CAGE1: variants seen among roughly 807,000 people sequenced by gnomAD.
CAGE1 encodes cancer antigen 1.
Under a neutral mutation model 94.9 loss-of-function variants are expected in CAGE1, and 66 were observed. The observed-to-expected ratio is 0.70, with a 90% CI of 0.57 to 0.85. CAGE1 has a LOEUF of 0.85. CAGE1 is among the 40% of genes least tolerant of loss of function. The probability of loss-of-function intolerance (pLI) is 0.00; values close to 1 mark genes in which losing one functional copy is unlikely to be tolerated. For missense variants in CAGE1, 865 were observed against 950.4 expected (o/e 0.91, Z 1.18); for synonymous variants, 319 against 321.0 (o/e 0.99, Z 0.07).
At chr6:7,346,444 G>A (rs564359763) in intron 11 of CAGE1, among the ~76,000 whole-genome samples, 1 of 152,242 alleles carries the variant, frequency 6.6e-6, no homozygotes, top group Non-Finnish European at 1.5e-5. Context: ...AGCTACTTGG[G>A]AGGCTGAGGT....
At chr6:7,374,607 T>C (rs927406385) in intron 4 of CAGE1, among the ~76,000 whole-genome samples, 2 of 152,158 alleles carry the variant, frequency 1.3e-5, no homozygotes, top group African/African-American at 2.4e-5. Flanking sequence ...CTCTTCTCTT[T>C]TGAATATTTT....
chr6:7,387,863 C>CAAAAAAAAA (rs70978962), intron 1 of CAGE1, among the ~76,000 whole-genome samples: 9 of 108,816 alleles, frequency 8.3e-5, no homozygotes, highest in African/African-American at 1.3e-4. Flanking sequence ...ACTAAAAATA[C>CAAAAAAAAA]AAAAAAAAAA....
chr6:7,340,854 C>A, intron 11 of CAGE1: 1 of 414,404 alleles, frequency 2.4e-6, no homozygotes, highest in South Asian at 2.1e-5. Context: ...TGCTTCTGTT[C>A]CTGCAGCACA....
intron 12 of CAGE1, among the ~76,000 whole-genome samples, chr6:7,333,025 A>G (rs6940929): frequency 3.2e-3 from 480 of 151,980 alleles, no homozygotes; most frequent in African/African-American, 9.9e-3. Flanking sequence ...ATCTCAGCTC[A>G]CTGCAACCTC....
rs117273726 is a variant in CAGE1 at position 7,345,281 on chromosome 6, C to T, written c.2369+9760G>A. 6.0e-4 allele frequency among the ~76,000 whole-genome samples: 92 copies of T among 152,318 alleles called. No homozygotes were observed. In the East Asian group the frequency reaches 0.016, roughly 27 times the overall value. On this transcript the variant is annotated intron_variant, in intron 11 of 13. Coordinates refer to ENST00000502583, the MANE Select transcript of CAGE1 (RefSeq NM_001170692.2). ...ACACGCTACCTTAAGAGTTGCAGCA[C>T]TGACTGTTAAAGGTTTGCAGTTTTA...
At chr6:7,332,953 T>C (rs1758808177) in intron 12 of CAGE1, among the ~76,000 whole-genome samples, 1 of 152,124 alleles carries the variant, frequency 6.6e-6, no homozygotes, top group African/African-American at 2.4e-5. Flanking sequence ...TCTTTTTTTT[T>C]TCTTTTCTTT....
intron 12 of CAGE1, among the ~76,000 whole-genome samples, chr6:7,330,726 T>C (rs931318366): frequency 2.6e-5 from 4 of 152,204 alleles, no homozygotes; most frequent in Admixed American, 1.3e-4. Context: ...GGCTGAAAGC[T>C]GATGTAGGTC....
rs191555542 is a variant in CAGE1, at chr6:7,349,295, G to A, written c.2369+5746C>T. The stretch of plus-strand genomic sequence containing the variant: ...AAAACAATTATCAGCTAGGAATTTT[G>A]TATGTAGCCAAACTAAGCATTATAT... On this transcript the variant is annotated intron_variant, in intron 11 of 13. Coordinates refer to ENST00000502583, the MANE Select transcript of CAGE1 (RefSeq NM_001170692.2). 4.6e-5 allele frequency among the ~76,000 whole-genome samples: 7 copies of A among 152,280 alleles called. 1 individual carries two copies. Among genetic ancestry groups the A allele is most frequent in the African/African-American group, 1.7e-4 (7 of 41,556 alleles).
chr6:7,370,450 C>T (rs1760500388), intron 5 of CAGE1, among the ~76,000 whole-genome samples: 2 of 152,050 alleles, frequency 1.3e-5, no homozygotes. Context: ...CATGCCACCA[C>T]ACTCGGCTAA....
chr6:7,351,908 A>T (rs754923073), intron 11 of CAGE1, among the ~76,000 whole-genome samples: 1 of 152,200 alleles, frequency 6.6e-6, no homozygotes, highest in Non-Finnish European at 1.5e-5. Context: ...ATCTATGACA[A>T]ACCCACAGCC....
At chr6:7,383,461 C>G (rs1189458456) in intron 3 of CAGE1, among the ~76,000 whole-genome samples, 1 of 152,170 alleles carries the variant, frequency 6.6e-6, no homozygotes, top group Non-Finnish European at 1.5e-5. Flanking sequence ...AATGAACACC[C>G]CCACTGGTTT....
intron 11 of CAGE1, among the ~76,000 whole-genome samples, chr6:7,353,988 C>T (rs1366073375): frequency 6.6e-6 from 1 of 151,812 alleles, no homozygotes; most frequent in East Asian, 1.9e-4. Flanking sequence ...AAATATGGTG[C>T]AGTGTATACT....
intron 8 of CAGE1, 94 bp downstream of exon 8, chr6:7,365,710 T>G: frequency 7.6e-7 from 1 of 1,320,412 alleles, no homozygotes; most frequent in Non-Finnish European, 1.1e-6. Context: ...AACTTAGAAC[T>G]AGAAGTACTT....
chr6:7,333,642 C>CTATCTATCTA (rs1393663829), intron 12 of CAGE1, among the ~76,000 whole-genome samples: 1 of 121,504 alleles, frequency 8.2e-6, no homozygotes, highest in Non-Finnish European at 1.7e-5. Context: ...ATCTAACTAT[C>CTATCTATCTA]TATATATATA....
At chr6:7,380,538 C>T (rs1412389060) in intron 3 of CAGE1, among the ~76,000 whole-genome samples, 1 of 151,524 alleles carries the variant, frequency 6.6e-6, no homozygotes. Context: ...TCAGGAGGCT[C>T]AGGCAGGAGA....
chr6:7,382,703 G>A (rs952891262), intron 3 of CAGE1, among the ~76,000 whole-genome samples: 22 of 151,606 alleles, frequency 1.5e-4, no homozygotes, highest in Non-Finnish European at 2.9e-4. Flanking sequence ...CAAGGTCAGG[G>A]GTTCAAGACC....
At chr6:7,366,092 C>T (rs1158254602) in intron 7 of CAGE1, among the ~76,000 whole-genome samples, 1 of 151,644 alleles carries the variant, frequency 6.6e-6, no homozygotes, top group Non-Finnish European at 1.5e-5. Flanking sequence ...CTAAAAATAC[C>T]AAAATTATCC....
intron 3 of CAGE1, among the ~76,000 whole-genome samples, chr6:7,385,058 C>T (rs12215463): frequency 0.44 from 67,091 of 151,608 alleles, 17,245 homozygotes; most frequent in Middle Eastern, 0.59. Flanking sequence ...CAGGCTGGAG[C>T]GCAATGGTGC....
rs147737375 is a variant in CAGE1 at position 7,328,085 on chromosome 6, C to A, written c.2479-1186G>T. Among the ~76,000 whole-genome samples the A allele has an allele frequency of 1.3e-3, 203 of 152,212 alleles. 1 individual carries two copies. The highest frequency in any genetic ancestry group is 2.2e-3 in the Non-Finnish European group (147 of 68,020). ...TCCCCAAAGCTATGTTACAAATAGG[C>A]CACGGCATTTATGAACATACCCATG... is the stretch of plus-strand genomic sequence containing the variant. On this transcript the variant is annotated intron_variant, in intron 13 of 13. Coordinates refer to ENST00000502583, the MANE Select transcript of CAGE1 (RefSeq NM_001170692.2).
Sources: gnomAD v4.1 joint callset for allele counts (sites outside exome capture counted in the v4.1 genomes callset) on GRCh38, gnomAD v4.1.1 for gene constraint, MANE v1.5 for transcripts, NCBI Gene and HGNC (gene_info 2026-07-23, HGNC 2026-07-21) for gene names.